Variants in RPS6KA5 observed in about 807,000 individuals in gnomAD.
RPS6KA5 encodes ribosomal protein S6 kinase alpha-5.
A neutral mutation model predicts 85.5 loss-of-function variants in RPS6KA5; 27 were observed. The observed-to-expected ratio is 0.32, with a 90% CI of 0.23 to 0.44. The LOEUF is 0.44. RPS6KA5 is among the 20% of genes least tolerant of loss of function. The pLI is 1.00. For synonymous variants in RPS6KA5, 334 were observed against 348.2 expected (o/e 0.96, Z 0.46); for missense variants, 811 against 980.9 (o/e 0.83, Z 2.31).
chr14:90,912,377 A>G (rs1432377875), intron 7 of RPS6KA5, among the ~76,000 whole-genome samples: 1 of 152,194 alleles, frequency 6.6e-6, no homozygotes, highest in Non-Finnish European at 1.5e-5. Context: ...AGCAGCATGG[A>G]AACAAGTGAT....
chr14:91,009,046 G>A (rs1014813693), intron 1 of RPS6KA5, among the ~76,000 whole-genome samples: 1 of 152,192 alleles, frequency 6.6e-6, no homozygotes, highest in Non-Finnish European at 1.5e-5. Flanking sequence ...AAAGGCACAG[G>A]ACAGGGTCCT....
At chr14:90,951,939 C>G (rs778857621) in intron 3 of RPS6KA5, among the ~76,000 whole-genome samples, 36 of 152,170 alleles carry the variant, frequency 2.4e-4, no homozygotes, top group South Asian at 4.2e-4. Flanking sequence ...ATTCTGACCA[C>G]CAAGATAAAT....
At chr14:90,958,510 C>T (rs554372438) in intron 3 of RPS6KA5, among the ~76,000 whole-genome samples, 48 of 152,276 alleles carry the variant, frequency 3.2e-4, no homozygotes, top group East Asian at 7.7e-4. Context: ...AGTAGATAAG[C>T]ACATCTTTGG....
At chr14:90,961,460 C>A (rs573771575) in intron 3 of RPS6KA5, among the ~76,000 whole-genome samples, 3 of 152,138 alleles carry the variant, frequency 2.0e-5, no homozygotes, top group South Asian at 4.1e-4. Flanking sequence ...ATCAGGCAGT[C>A]GGACTTGATA....
intron 2 of RPS6KA5, among the ~76,000 whole-genome samples, chr14:90,978,862 T>C (rs2039677268): frequency 6.6e-6 from 1 of 152,182 alleles, no homozygotes; most frequent in African/African-American, 2.4e-5. Context: ...CAGGACATTT[T>C]AGACATCAGA....
chr14:90,961,704 C>A (rs574367463), intron 3 of RPS6KA5, among the ~76,000 whole-genome samples: 39 of 151,710 alleles, frequency 2.6e-4, no homozygotes, highest in Non-Finnish European at 4.3e-4. Flanking sequence ...CAGTTTAAAT[C>A]TTTTTTTAGA....
At chr14:90,960,995 G>A (rs969193581) in intron 3 of RPS6KA5, among the ~76,000 whole-genome samples, 2 of 152,186 alleles carry the variant, frequency 1.3e-5, no homozygotes, top group East Asian at 1.9e-4. Flanking sequence ...CGGAAGTAGC[G>A]TAATAACCAG....
At chr14:90,956,524 A>G (rs894268252) in intron 3 of RPS6KA5, among the ~76,000 whole-genome samples, 2 of 152,186 alleles carry the variant, frequency 1.3e-5, no homozygotes, top group African/African-American at 4.8e-5. Context: ...TGTTATTAAC[A>G]TAATATCTGC....
chr14:90,923,606 T>G (rs561794115), intron 5 of RPS6KA5, among the ~76,000 whole-genome samples: 2 of 152,248 alleles, frequency 1.3e-5, no homozygotes, highest in South Asian at 4.2e-4. Flanking sequence ...TTAGTATGAA[T>G]GACTTTATTA....
At chr14:90,926,459 C>A (rs942700539) in intron 5 of RPS6KA5, among the ~76,000 whole-genome samples, 1 of 151,180 alleles carries the variant, frequency 6.6e-6, no homozygotes, top group African/African-American at 2.4e-5. Context: ...AGAAAATTAT[C>A]CAGAATATTG....
chr14:91,035,624 A>T (rs2042363298), intron 1 of RPS6KA5, among the ~76,000 whole-genome samples: 1 of 152,080 alleles, frequency 6.6e-6, no homozygotes, highest in African/African-American at 2.4e-5. Flanking sequence ...GAGGAAAAAC[A>T]GAAAGGATCC....
chr14:90,878,417 A>G (rs1201723114), intron 14 of RPS6KA5, among the ~76,000 whole-genome samples: 2 of 151,958 alleles, frequency 1.3e-5, no homozygotes, highest in African/African-American at 4.8e-5. Context: ...CCTTTTCCCT[A>G]AGTTTCTAGA....
chr14:91,054,782 C>T (rs1204661713), intron 1 of RPS6KA5, among the ~76,000 whole-genome samples: 4 of 151,812 alleles, frequency 2.6e-5, no homozygotes, highest in Non-Finnish European at 5.9e-5. Context: ...AGGAACCCAT[C>T]TCTATTATTT....
chr14:91,011,695 T>C (rs1237094348), intron 1 of RPS6KA5, among the ~76,000 whole-genome samples: 9 of 152,180 alleles, frequency 5.9e-5, no homozygotes, highest in Admixed American at 5.2e-4. Context: ...AAGGTACCAA[T>C]TGAGTCCTTC....
intron 14 of RPS6KA5, among the ~76,000 whole-genome samples, chr14:90,875,893 G>T (rs1417632916): frequency 3.1e-5 from 4 of 128,132 alleles, no homozygotes; most frequent in Non-Finnish European, 6.5e-5. Context: ...CACACACCGG[G>T]GACTGTTGTG....
chr14:91,020,207 G>A (rs2041686071), intron 1 of RPS6KA5, among the ~76,000 whole-genome samples: 1 of 151,708 alleles, frequency 6.6e-6, no homozygotes, highest in Non-Finnish European at 1.5e-5. Flanking sequence ...GTGTGTGTGT[G>A]TGCATGTACA....
chr14:90,905,377 G>C (rs1422086662), intron 8 of RPS6KA5, among the ~76,000 whole-genome samples: 2 of 152,028 alleles, frequency 1.3e-5, no homozygotes, highest in Admixed American at 1.3e-4. Context: ...TAAATATTTA[G>C]GTCAGGCTTA....
At chr14:91,033,321 T>C (rs560200004) in intron 1 of RPS6KA5, among the ~76,000 whole-genome samples, 3 of 152,052 alleles carry the variant, frequency 2.0e-5, no homozygotes, top group Admixed American at 6.6e-5. Flanking sequence ...AACGTGACAA[T>C]AGAAACTGTT....
intron 2 of RPS6KA5, among the ~76,000 whole-genome samples, chr14:90,995,342 T>G (rs2040473161): frequency 6.6e-6 from 1 of 152,186 alleles, no homozygotes. Context: ...TGCAAACCTG[T>G]ATGATGTTTG....
Sources: gnomAD v4.1 joint callset for allele counts (sites outside exome capture counted in the v4.1 genomes callset) on GRCh38, gnomAD v4.1.1 for gene constraint, MANE v1.5 for transcripts, NCBI Gene and HGNC (gene_info 2026-07-23, HGNC 2026-07-21) for gene names.